Variants in RANBP9 observed in about 807,000 individuals in gnomAD.
RANBP9 encodes RAN binding protein 9.
A neutral mutation model predicts 84.3 loss-of-function variants in RANBP9; 15 were observed. That is an observed-to-expected ratio of 0.18 (90% CI 0.12 to 0.27). RANBP9 has a LOEUF of 0.27. Ranked by LOEUF, RANBP9 falls within the 10% of genes least tolerant of loss-of-function variation. The pLI is 1.00. For missense variants in RANBP9, 809 were observed against 912.8 expected (o/e 0.89, Z 1.46); for synonymous variants, 392 against 349.6 (o/e 1.12, Z -1.35).
In RANBP9 at chr6:13,625,697, A is replaced by G. The variant is rs766366100; in HGVS notation, c.2015T>C (p.Ile672Thr). 1 of 1,613,368 alleles carries G rather than the reference A, an allele frequency of 6.2e-7. No individual in the cohort carries two copies. Among genetic ancestry groups the G allele is most frequent in the Non-Finnish European group, 8.5e-7 (1 of 1,179,314 alleles). ...AGCTGAGCACACAGGTTCTCTCTGA[A>G]TCGGGTCAAGCTGATTTCCAACTGG... Reference protein sequence around the residue: ...NSPVGNQLDPIQREPVCSALN... With the variant: ...NSPVGNQLDPTQREPVCSALN... The change falls in exon 13 of 14, where the codon ATT becomes ACT. Residue 672 changes from isoleucine to threonine, a missense_variant. Around this residue, in one of 5 missense-constraint regions of RANBP9, gnomAD observed 233 missense variants for 234.4 expected, o/e 0.99. Coordinates refer to ENST00000011619, the MANE Select transcript of RANBP9 (RefSeq NM_005493.3).
At chr6:13,696,029 G>A (rs1433330419) in intron 2 of RANBP9, among the ~76,000 whole-genome samples, 2 of 151,178 alleles carry the variant, frequency 1.3e-5, no homozygotes, top group Admixed American at 6.6e-5. Context: ...AAAGTTATCA[G>A]GAAATACTAT....
chr6:13,644,832 T>G, intron 5 of RANBP9, 103 bp from the exon 6 acceptor site: 1 of 942,450 alleles, frequency 1.1e-6, no homozygotes, highest in Non-Finnish European at 1.5e-6. Flanking sequence ...ATTTACTTCA[T>G]ATTTTAAAAT....
At chr6:13,675,096 A>T (rs1024175453) in intron 2 of RANBP9, among the ~76,000 whole-genome samples, 2 of 152,222 alleles carry the variant, frequency 1.3e-5, no homozygotes, top group African/African-American at 4.8e-5. Flanking sequence ...CTATATCAAC[A>T]ACTGGCAGAC....
At chr6:13,624,359 T>C (rs569739345) in intron 13 of RANBP9, among the ~76,000 whole-genome samples, 1 of 152,206 alleles carries the variant, frequency 6.6e-6, no homozygotes, top group East Asian at 1.9e-4. Context: ...ATCTACTTTT[T>C]GTGGCACTGC....
chr6:13,687,425 C>T (rs996897645), intron 2 of RANBP9, among the ~76,000 whole-genome samples: 2 of 151,702 alleles, frequency 1.3e-5, no homozygotes, highest in African/African-American at 4.8e-5. Flanking sequence ...GAATTTGAGG[C>T]TGCAGTGAGC....
chr6:13,631,881 A>G (rs1764792334), intron 12 of RANBP9, among the ~76,000 whole-genome samples: 1 of 152,206 alleles, frequency 6.6e-6, no homozygotes, highest in Non-Finnish European at 1.5e-5. Context: ...TATTCTGGCC[A>G]TGAAAAGTGA....
At chr6:13,691,758 T>A (rs961205461) in intron 2 of RANBP9, among the ~76,000 whole-genome samples, 1 of 152,094 alleles carries the variant, frequency 6.6e-6, no homozygotes, top group African/African-American at 2.4e-5. Flanking sequence ...CTCTGCCTCC[T>A]GTGTTCAAGC....
chr6:13,637,939 A>G lies in RANBP9; in HGVS notation c.1542T>C (p.Ser514=). 1 of 1,596,478 alleles carries G rather than the reference A, an allele frequency of 6.3e-7. No homozygotes were observed. Among genetic ancestry groups the G allele is most frequent in the Admixed American group, 1.8e-5 (1 of 55,004 alleles). Residue 514 remains serine, a synonymous_variant, in exon 10 of 14, where the codon AGT becomes AGC. Transcript: ENST00000011619. The part of the protein sequence containing the change: ...TAHFSGFESC[S]NGVISNKAHQ... ...GTGCTTTATTTGATATTACACCATT[A>G]CTACAACTTTCAAAACCTGAAGAAA...
intron 2 of RANBP9, among the ~76,000 whole-genome samples, chr6:13,689,010 G>C (rs924242117): frequency 3.5e-5 from 3 of 84,760 alleles, no homozygotes; most frequent in Non-Finnish European, 7.5e-5. Context: ...AAAAATGCTG[G>C]GCATGGTGAC....
At chr6:13,664,491 A>G (rs1311234900) in intron 2 of RANBP9, among the ~76,000 whole-genome samples, 4 of 152,016 alleles carry the variant, frequency 2.6e-5, no homozygotes, top group Non-Finnish European at 5.9e-5. Flanking sequence ...AGCTGATTCT[A>G]AAGTGTATAT....
chr6:13,658,856 GAAGAA>G, intron 2 of RANBP9, 24 bp from the exon 3 acceptor site: 1 of 1,535,032 alleles, frequency 6.5e-7, no homozygotes, highest in Non-Finnish European at 9.0e-7. Flanking sequence ...TTGGGGGAGA[GAAGAA>G]AAGGACATTA....
intron 2 of RANBP9, among the ~76,000 whole-genome samples, chr6:13,680,224 T>C (rs1300128591): frequency 6.6e-6 from 1 of 152,094 alleles, no homozygotes; most frequent in East Asian, 1.9e-4. Flanking sequence ...AACAAACCCA[T>C]GTAATGGAAC....
At chr6:13,642,363 T>C in intron 7 of RANBP9, 116 bp downstream of exon 7, 1 of 416,538 alleles carries the variant, frequency 2.4e-6, no homozygotes, top group Non-Finnish European at 4.0e-6. Flanking sequence ...GAGGCATCCA[T>C]TTTAAATTAA....
intron 12 of RANBP9, among the ~76,000 whole-genome samples, chr6:13,626,414 G>C (rs2127758640): frequency 6.6e-6 from 1 of 152,296 alleles, no homozygotes; most frequent in South Asian, 2.1e-4. Context: ...TCAAGTCCAA[G>C]CTCCACCACT....
chr6:13,639,480 A>C, intron 9 of RANBP9, 83 bp downstream of exon 9: 1 of 1,422,474 alleles, frequency 7.0e-7, no homozygotes, highest in Non-Finnish European at 9.6e-7. Context: ...GCCCAGCTGG[A>C]AATATACAGA....
chr6:13,637,774 T>C, intron 10 of RANBP9, 34 bp downstream of exon 10: 3 of 1,526,878 alleles, frequency 2.0e-6, no homozygotes, highest in Non-Finnish European at 2.6e-6. Context: ...ACTAGGTTGC[T>C]TATATTAGTG....
intron 1 of RANBP9, among the ~76,000 whole-genome samples, chr6:13,699,584 C>T (rs1757917320): frequency 6.6e-6 from 1 of 152,114 alleles, no homozygotes; most frequent in South Asian, 2.1e-4. Flanking sequence ...TCCTTTGAGC[C>T]GGGCGTGGTG....
intron 1 of RANBP9, among the ~76,000 whole-genome samples, chr6:13,704,586 G>A (rs1584951375): frequency 1.3e-5 from 2 of 151,434 alleles, no homozygotes; most frequent in Non-Finnish European, 1.5e-5. Flanking sequence ...AGCCTAGATC[G>A]CACCACTGCA....
intron 2 of RANBP9, among the ~76,000 whole-genome samples, chr6:13,673,973 A>C (rs1765830561): frequency 6.6e-6 from 1 of 151,928 alleles, no homozygotes; most frequent in South Asian, 2.1e-4. Flanking sequence ...AGTTCTAGCC[A>C]CTTGGGAACC....
Sources: gnomAD v4.1 joint callset for allele counts (sites outside exome capture counted in the v4.1 genomes callset) on GRCh38, gnomAD v4.1.1 for gene constraint, gnomAD v4.1.1 regional missense constraint, MANE v1.5 for transcripts, NCBI Gene and HGNC (gene_info 2026-07-23, HGNC 2026-07-21) for gene names.